SLC24A2: variants seen among roughly 807,000 people sequenced by gnomAD.
SLC24A2 encodes solute carrier family 24 member 2, also known as sodium/potassium/calcium exchanger 2.
Under a neutral mutation model 62.0 loss-of-function variants are expected in SLC24A2, and 36 were observed. The observed-to-expected ratio is 0.58, with a 90% CI of 0.44 to 0.77. The LOEUF (loss-of-function observed/expected upper bound fraction) is 0.77, where lower values mean the gene tolerates loss of function less well. SLC24A2 is among the 30% of genes least tolerant of loss of function. The pLI is 0.00. For synonymous variants in SLC24A2, 358 were observed against 294.0 expected (o/e 1.22, Z -2.23); for missense variants, 846 against 817.9 (o/e 1.03, Z -0.42).
At chr9:20,191,241 C>T in the SLC24A2 span, among the ~76,000 whole-genome samples, 9 of 151,290 alleles carry the variant, frequency 5.9e-5, 1 homozygote, top group African/African-American at 2.4e-5. Flanking sequence ...TTGCTTTTAG[C>T]TTATAAAATA....
At chr9:19,903,534 T>C in the SLC24A2 span, among the ~76,000 whole-genome samples, 1 of 152,180 alleles carries the variant, frequency 6.6e-6, no homozygotes, top group African/African-American at 2.4e-5. Context: ...ACTCAGGATA[T>C]GGCAGAAAGG....
At chr9:19,842,539 C>T in the SLC24A2 span, among the ~76,000 whole-genome samples, 1 of 152,196 alleles carries the variant, frequency 6.6e-6, no homozygotes, top group African/African-American at 2.4e-5. Context: ...GGAATGGCTA[C>T]TCTCACAATT....
the SLC24A2 span, among the ~76,000 whole-genome samples, chr9:20,117,489 G>A: frequency 1.3e-5 from 2 of 152,144 alleles, no homozygotes; most frequent in African/African-American, 4.8e-5. Context: ...CCTGCTAAGA[G>A]AGTACTGGAG....
chr9:20,028,355 C>A, the SLC24A2 span, among the ~76,000 whole-genome samples: 1 of 152,228 alleles, frequency 6.6e-6, no homozygotes, highest in African/African-American at 2.4e-5. Context: ...CACTCTGCTG[C>A]ATAAGAGGGG....
At chr9:19,828,253 T>C in the SLC24A2 span, among the ~76,000 whole-genome samples, 1 of 152,256 alleles carries the variant, frequency 6.6e-6, no homozygotes, top group East Asian at 1.9e-4. Context: ...CAATAATTTA[T>C]TGTTTATTTT....
At chr9:20,120,410 A>G in the SLC24A2 span, among the ~76,000 whole-genome samples, 38 of 152,150 alleles carry the variant, frequency 2.5e-4, no homozygotes, top group African/African-American at 8.9e-4. Context: ...TTGCAGCTGG[A>G]GTTGGAGCTG....
At chr9:20,103,690 C>T in the SLC24A2 span, among the ~76,000 whole-genome samples, 1 of 152,158 alleles carries the variant, frequency 6.6e-6, no homozygotes, top group African/African-American at 2.4e-5. Flanking sequence ...ACACAAAAAA[C>T]CCACCTGTAC....
the SLC24A2 span, among the ~76,000 whole-genome samples, chr9:19,955,657 C>T: frequency 6.6e-6 from 1 of 152,100 alleles, no homozygotes; most frequent in East Asian, 1.9e-4. Flanking sequence ...CCTCAATAAG[C>T]TATGTGAGCA....
chr9:19,894,370 T>C, the SLC24A2 span, among the ~76,000 whole-genome samples: 10 of 152,332 alleles, frequency 6.6e-5, no homozygotes, highest in East Asian at 1.9e-3. Context: ...CTCGATTTTT[T>C]GCTCCCCCAG....
At chr9:19,695,740 G>C (rs933483836) in intron 2 of SLC24A2, among the ~76,000 whole-genome samples, 2 of 147,410 alleles carry the variant, frequency 1.4e-5, no homozygotes, top group Non-Finnish European at 1.5e-5. Flanking sequence ...AATGAGAATG[G>C]ATAGATTAAT....
chr9:19,794,691 A>C, the SLC24A2 span, among the ~76,000 whole-genome samples: 1 of 151,834 alleles, frequency 6.6e-6, no homozygotes, highest in African/African-American at 2.4e-5. Context: ...CTTGGCTACT[A>C]TTCCTACCGA....
At chr9:19,837,860 A>C in the SLC24A2 span, among the ~76,000 whole-genome samples, 1 of 152,056 alleles carries the variant, frequency 6.6e-6, no homozygotes, top group African/African-American at 2.4e-5. Context: ...CCAACTTACA[A>C]GGGACGTGAA....
the SLC24A2 span, among the ~76,000 whole-genome samples, chr9:20,013,477 G>C: frequency 1.3e-5 from 2 of 152,026 alleles, no homozygotes; most frequent in African/African-American, 4.8e-5. Context: ...AAACATGAGG[G>C]AAATGCTTCA....
chr9:19,760,531 C>G (rs556240861), intron 2 of SLC24A2, among the ~76,000 whole-genome samples: 19 of 151,828 alleles, frequency 1.3e-4, no homozygotes, highest in South Asian at 8.3e-4. Context: ...CCTGACCCCC[C>G]CAACAGGCTC....
At chr9:20,003,041 A>G in the SLC24A2 span, among the ~76,000 whole-genome samples, 1 of 152,174 alleles carries the variant, frequency 6.6e-6, no homozygotes, top group East Asian at 1.9e-4. Context: ...GGCCCCATAA[A>G]TGATAAATCT....
the SLC24A2 span, among the ~76,000 whole-genome samples, chr9:19,894,371 G>A: frequency 1.6e-4 from 24 of 152,018 alleles, no homozygotes; most frequent in East Asian, 1.5e-3. Flanking sequence ...TCGATTTTTT[G>A]CTCCCCCAGC....
the SLC24A2 span, among the ~76,000 whole-genome samples, chr9:20,078,236 G>A: frequency 1.3e-5 from 2 of 152,106 alleles, no homozygotes; most frequent in Admixed American, 6.6e-5. Flanking sequence ...GAGCAACTCT[G>A]AGCAGAACCT....
At chr9:20,074,128 A>G in the SLC24A2 span, among the ~76,000 whole-genome samples, 1 of 152,038 alleles carries the variant, frequency 6.6e-6, no homozygotes, top group South Asian at 2.1e-4. Context: ...CTGTTCCATC[A>G]TATAATCAGT....
the SLC24A2 span, among the ~76,000 whole-genome samples, chr9:19,810,325 G>A: frequency 2.6e-5 from 4 of 152,172 alleles, no homozygotes; most frequent in Non-Finnish European, 5.9e-5. Context: ...AGGTGGAGCA[G>A]GTAAGGTTAA....
Sources: gnomAD v4.1 joint callset for allele counts (sites outside exome capture counted in the v4.1 genomes callset) on GRCh38, gnomAD v4.1.1 for gene constraint, MANE v1.5 for transcripts, NCBI Gene and HGNC (gene_info 2026-07-23, HGNC 2026-07-21) for gene names.